Variants in PDE4D observed in about 807,000 individuals in gnomAD.
PDE4D encodes 3',5'-cyclic-AMP phosphodiesterase 4D.
In PDE4D, 24 loss-of-function variants were observed where a neutral mutation model predicts 87.4. The ratio of observed to expected loss-of-function variants is 0.27; its 90% CI spans 0.20 to 0.39. PDE4D has a LOEUF of 0.39. Among genes scored for constraint, PDE4D ranks in the 10% least tolerant of loss-of-function variants. The pLI, the probability that PDE4D is intolerant of heterozygous loss-of-function variation, is 1.00. For synonymous variants in PDE4D, 384 were observed against 383.2 expected (o/e 1.00, Z -0.02); for missense variants, 714 against 1,041.0 (o/e 0.69, Z 4.32).
chr5:59,741,906 C>CTTTT (rs973731619), intron 1 of PDE4D, among the ~76,000 whole-genome samples: 3 of 152,104 alleles, frequency 2.0e-5, no homozygotes, highest in African/African-American at 7.2e-5. Flanking sequence ...TCTGAATGGG[C>CTTTT]TTTTAAACAA....
At chr5:60,110,131 A>G (rs1047521370) in intron 2 of PDE4D, among the ~76,000 whole-genome samples, 2 of 152,128 alleles carry the variant, frequency 1.3e-5, no homozygotes, top group African/African-American at 4.8e-5. Flanking sequence ...TTTGGCTAAG[A>G]CTTCAGAGGC....
intron 1 of PDE4D, among the ~76,000 whole-genome samples, chr5:59,546,591 C>A (rs1354809244): frequency 6.6e-6 from 1 of 152,054 alleles, no homozygotes; most frequent in Non-Finnish European, 1.5e-5. Flanking sequence ...TCCAATTTAA[C>A]TGGGCAATGA....
At chr5:60,024,792 T>C (rs955434490) in intron 2 of PDE4D, among the ~76,000 whole-genome samples, 2 of 152,160 alleles carry the variant, frequency 1.3e-5, no homozygotes, top group South Asian at 4.1e-4. Flanking sequence ...GAAACATCCA[T>C]TGAATATATA....
chr5:59,083,112 G>C (rs146326137), intron 5 of PDE4D, among the ~76,000 whole-genome samples: 1 of 152,158 alleles, frequency 6.6e-6, no homozygotes, highest in Non-Finnish European at 1.5e-5. Context: ...TCTTTAGTTT[G>C]TCTTAACACT....
chr5:59,548,666 T>C (rs932107439), intron 1 of PDE4D, among the ~76,000 whole-genome samples: 2 of 152,178 alleles, frequency 1.3e-5, no homozygotes, highest in African/African-American at 4.8e-5. Flanking sequence ...TTTGATTAGT[T>C]GTTTTTAAAA....
At chr5:59,462,807 C>T (rs1422232984) in intron 1 of PDE4D, among the ~76,000 whole-genome samples, 4 of 151,984 alleles carry the variant, frequency 2.6e-5, no homozygotes, top group African/African-American at 9.7e-5. Context: ...TTCTGACATT[C>T]CATTACTGAC....
chr5:59,020,665 ATTT>A (rs35860266), intron 6 of PDE4D, among the ~76,000 whole-genome samples: 12 of 146,590 alleles, frequency 8.2e-5, no homozygotes, highest in South Asian at 2.2e-4. Flanking sequence ...GGCTTCTGGA[ATTT>A]TTTTTTTTTT....
intron 5 of PDE4D, among the ~76,000 whole-genome samples, chr5:59,093,549 A>G (rs918572287): frequency 6.6e-6 from 1 of 152,218 alleles, no homozygotes; most frequent in Non-Finnish European, 1.5e-5. Flanking sequence ...GTACCCCCTA[A>G]TCATGACCTT....
rs562540533 is a variant in PDE4D at position 59,360,107 on chromosome 5, C to T, written c.456-144139G>A. ...GGCAAATTTGGGTTTCGGTGTCTGA[C>T]ACAGAAACTCAGAATTTCCTTTATA... On this transcript the variant is annotated intron_variant, in intron 1 of 14. Transcript: ENST00000340635. Among the ~76,000 whole-genome samples, 44 of 152,200 alleles carry T rather than the reference C, an allele frequency of 2.9e-4. 1 individual carries two copies. The highest frequency in any genetic ancestry group is 9.2e-4 in the African/African-American group (38 of 41,520).
chr5:59,039,344 G>C, intron 5 of PDE4D: 1 of 1,037,014 alleles, frequency 9.6e-7, no homozygotes, highest in Non-Finnish European at 1.2e-6. Flanking sequence ...ATGGCGAGGG[G>C]GTGGCGAGCG....
chr5:59,786,300 G>A (rs1765169763), intron 1 of PDE4D, among the ~76,000 whole-genome samples: 1 of 152,168 alleles, frequency 6.6e-6, no homozygotes, highest in East Asian at 1.9e-4. Flanking sequence ...TCTAAACAGG[G>A]ATTTAGAAAG....
intron 3 of PDE4D, among the ~76,000 whole-genome samples, chr5:59,186,422 G>A (rs1175452564): frequency 6.6e-6 from 1 of 152,168 alleles, no homozygotes; most frequent in Non-Finnish European, 1.5e-5. Flanking sequence ...TGATGGCAGC[G>A]TTACCTTTGA....
intron 1 of PDE4D, among the ~76,000 whole-genome samples, chr5:59,882,061 T>C (rs1048913011): frequency 6.6e-6 from 1 of 152,206 alleles, no homozygotes; most frequent in Non-Finnish European, 1.5e-5. Context: ...GTGGGTCTGT[T>C]GATTTATTTG....
intron 1 of PDE4D, among the ~76,000 whole-genome samples, chr5:60,453,251 A>G (rs998860618): frequency 6.6e-6 from 1 of 152,140 alleles, no homozygotes; most frequent in African/African-American, 2.4e-5. Context: ...TTGCTTGTGC[A>G]TATCAGATTG....
chr5:59,523,874 T>C (rs545805021), intron 1 of PDE4D, among the ~76,000 whole-genome samples: 131 of 152,266 alleles, frequency 8.6e-4, no homozygotes, highest in African/African-American at 2.7e-3. Flanking sequence ...AGGGGCTTTT[T>C]CCCCTCCACT....
At chr5:59,270,758 T>A (rs1040005175) in intron 1 of PDE4D, among the ~76,000 whole-genome samples, 10 of 152,150 alleles carry the variant, frequency 6.6e-5, no homozygotes, top group African/African-American at 2.4e-4. Context: ...AACACTTTTA[T>A]GGCCATTAAA....
At chr5:60,324,668 G>A (rs529679673) in intron 1 of PDE4D, among the ~76,000 whole-genome samples, 27 of 152,280 alleles carry the variant, frequency 1.8e-4, no homozygotes, top group African/African-American at 6.3e-4. Flanking sequence ...AATAAAGAGA[G>A]GCTAACTGTG....
intron 2 of PDE4D, among the ~76,000 whole-genome samples, chr5:59,993,171 G>C (rs1353897990): frequency 1.3e-5 from 2 of 151,934 alleles, no homozygotes; most frequent in African/African-American, 4.8e-5. Flanking sequence ...CAGACTCCCG[G>C]GTCTTATTCC....
At chr5:59,833,305 A>G (rs1223110751) in intron 1 of PDE4D, among the ~76,000 whole-genome samples, 3 of 151,970 alleles carry the variant, frequency 2.0e-5, no homozygotes, top group Admixed American at 1.3e-4. Flanking sequence ...ACAAGGAGGG[A>G]AAAATGGGGT....
Sources: allele counts gnomAD v4.1 joint callset (sites outside exome capture counted in the v4.1 genomes callset), GRCh38; gene constraint gnomAD v4.1.1; transcripts MANE v1.5; gene names NCBI Gene and HGNC (gene_info 2026-07-23, HGNC 2026-07-21).